TXNDC5: variants seen among roughly 807,000 people sequenced by gnomAD.
TXNDC5 encodes thioredoxin domain containing 5.
TXNDC5 carries 44 observed loss-of-function variants against 52.6 expected under a neutral mutation model. That is an observed-to-expected ratio of 0.84 (90% CI 0.66 to 1.08). The LOEUF (loss-of-function observed/expected upper bound fraction) is 1.08, where lower values mean the gene tolerates loss of function less well. TXNDC5 is among the 50% of genes least tolerant of loss of function. The probability of loss-of-function intolerance (pLI) is 0.00; values close to 1 mark genes in which losing one functional copy is unlikely to be tolerated. For synonymous variants in TXNDC5, 241 were observed against 234.4 expected, an observed-to-expected ratio of 1.03 and a Z score of -0.26; for missense variants, 600 against 565.5, an observed-to-expected ratio of 1.06 and a Z score of -0.62.
intron 3 of TXNDC5, among the ~76,000 whole-genome samples, chr6:7,896,004 A>G (rs1395905795): frequency 1.3e-5 from 2 of 152,076 alleles, no homozygotes; most frequent in African/African-American, 2.4e-5. Flanking sequence ...AAAAACACAC[A>G]AACAGACACG....
intron 2 of TXNDC5, among the ~76,000 whole-genome samples, chr6:7,903,684 T>C (rs1760642465): frequency 2.0e-5 from 3 of 152,350 alleles, no homozygotes; most frequent in Middle Eastern, 3.4e-3. Flanking sequence ...AATTAAGCAA[T>C]AAATTGTATA....
At chr6:7,884,224 A>T in intron 9 of TXNDC5, 135 bp downstream of exon 9, 1 of 1,235,296 alleles carries the variant, frequency 8.1e-7, no homozygotes, top group South Asian at 1.5e-5. Context: ...TTCTCCAAAC[A>T]AACAACTCAA....
At chr6:7,898,642 A>G (rs369086) in intron 3 of TXNDC5, among the ~76,000 whole-genome samples, 79,808 of 151,882 alleles carry the variant, frequency 0.53, 23,586 homozygotes, top group African/African-American at 0.78. Flanking sequence ...TAGGAACACG[A>G]GTGTTTTTCC....
chr6:7,907,515 C>A (rs988144689), intron 1 of TXNDC5, among the ~76,000 whole-genome samples: 1 of 152,210 alleles, frequency 6.6e-6, no homozygotes, highest in African/African-American at 2.4e-5. Context: ...AGCAGGATAA[C>A]CCTGCAGAAG....
Position 7,888,710 on chromosome 6 carries a change from C to T in TXNDC5, c.958G>A (p.Asp320Asn), listed in dbSNP as rs142322001. 6.2e-6 allele frequency: 10 copies of T among 1,609,922 alleles called. No individual in the cohort carries two copies. Among genetic ancestry groups the T allele is most frequent in the African/African-American group, 1.3e-5 (1 of 74,888 alleles). ...APVLAAEPEA[D>N]KGTVLALTEN... The stretch of plus-strand genomic sequence containing the variant: ...CGACTCCAGCAGGCACCCACCTTGT[C>T]AGCCTCGGGCTCAGCTGCCAGCACC... The change falls in exon 7 of 10, where the codon GAC becomes AAC. Residue 320 changes from aspartate to asparagine, a missense_variant. Asp to Asn is a conservative substitution (Grantham distance 23). Transcript: ENST00000379757.
At chr6:7,884,634 G>C in intron 8 of TXNDC5, 146 bp from the exon 9 acceptor site, 1 of 1,130,438 alleles carries the variant, frequency 8.8e-7, no homozygotes, top group East Asian at 2.7e-5. Context: ...TCTCCCACTG[G>C]GTGCACATTA....
At chr6:7,889,278 G>C in intron 6 of TXNDC5, 2 of 535,082 alleles carry the variant, frequency 3.7e-6, no homozygotes, top group Non-Finnish European at 6.7e-6. Flanking sequence ...GGTTATTCTA[G>C]TGATAACCTG....
chr6:7,896,867 CT>C (rs781709892), intron 3 of TXNDC5, among the ~76,000 whole-genome samples: 57 of 152,210 alleles, frequency 3.7e-4, no homozygotes, highest in Admixed American at 5.9e-4. Context: ...CAGGTCACGT[CT>C]TGCCCTACAG....
At chr6:7,888,593 C>T in intron 7 of TXNDC5, 112 bp downstream of exon 7, 1 of 1,368,586 alleles carries the variant, frequency 7.3e-7, no homozygotes, top group Non-Finnish European at 9.8e-7. Flanking sequence ...ATGACTGTGT[C>T]CCCAAACTGT....
At chr6:7,903,603 C>T (rs1373516346) in intron 2 of TXNDC5, among the ~76,000 whole-genome samples, 1 of 152,214 alleles carries the variant, frequency 6.6e-6, no homozygotes, top group Non-Finnish European at 1.5e-5. Flanking sequence ...GAGATCCCTC[C>T]ACTTTTCTGC....
At position 7,882,917 on chromosome 6, in the gene TXNDC5, T is replaced by G. The variant is rs1203312469; in HGVS notation, c.*227A>C. 6.5e-5 allele frequency: 33 copies of G among 510,280 alleles called. No individual in the cohort carries two copies. The Admixed American group carries it at 1.1e-3, about 17-fold the overall frequency. The allele number at this position is 510,280 out of a possible 1,614,324, so 31.6% of individuals were successfully genotyped here. A position where few individuals can be genotyped will look rare whatever the true frequency, so the allele number is the denominator to read the frequency against. On this transcript the variant is annotated 3_prime_UTR_variant, in exon 10 of 10. Transcript: ENST00000379757. ...AGGGGATATATCGCCACTGAAAATG[T>G]TTACACAGTGACCATGAGTTACACA...
At position 7,884,490 on chromosome 6, in the gene TXNDC5, T is replaced by C. The variant is rs747479963; in HGVS notation, c.1047-2A>G. 1.1e-5 allele frequency: 18 copies of C among 1,613,930 alleles called. No individual in the cohort carries two copies. The highest frequency in any genetic ancestry group is 1.5e-5 in the Non-Finnish European group (18 of 1,179,936). Reference sequence around the variant, plus strand: ...GCCAGAGTCTTACAATGACCACACCTAAGACGAGAAAAATGGCAGCTTCGT... The same window carrying C: ...GCCAGAGTCTTACAATGACCACACCCAAGACGAGAAAAATGGCAGCTTCGT... On this transcript the variant is annotated splice_acceptor_variant, in intron 8 of 9. Coordinates refer to ENST00000379757, the MANE Select transcript of TXNDC5 (RefSeq NM_030810.5). LOFTEE classifies it high-confidence loss of function.
At chr6:7,902,512 C>T (rs1202647593) in intron 2 of TXNDC5, among the ~76,000 whole-genome samples, 1 of 152,170 alleles carries the variant, frequency 6.6e-6, no homozygotes, top group Non-Finnish European at 1.5e-5. Context: ...CAGGCAGGTA[C>T]AGTCGTCACC....
intron 1 of TXNDC5, among the ~76,000 whole-genome samples, chr6:7,907,178 G>C (rs1339840944): frequency 8.7e-6 from 1 of 115,022 alleles, no homozygotes; most frequent in African/African-American, 3.9e-5. Context: ...TTTTTTTTTT[G>C]AGAAAACACA....
At chr6:7,889,152 G>C (rs764200242) in intron 6 of TXNDC5, 4 of 449,490 alleles carry the variant, frequency 8.9e-6, no homozygotes, top group African/African-American at 2.0e-5. Context: ...CATCGGCCAG[G>C]GAAGGAGGGA....
At chr6:7,888,618 C>T (rs1366023609) in intron 7 of TXNDC5, 87 bp downstream of exon 7, 2 of 1,484,232 alleles carry the variant, frequency 1.3e-6, no homozygotes, top group Non-Finnish European at 9.0e-7. Flanking sequence ...TTGTCCAAAG[C>T]ATTTGAGGAG....
intron 2 of TXNDC5, among the ~76,000 whole-genome samples, chr6:7,901,692 C>T (rs1015370740): frequency 9.2e-5 from 14 of 152,148 alleles, no homozygotes; most frequent in African/African-American, 3.4e-4. Flanking sequence ...CCACAGGGTA[C>T]AAGCCCAAAC....
At chr6:7,885,866 C>A in intron 8 of TXNDC5, 95 bp downstream of exon 8, 4 of 1,099,906 alleles carry the variant, frequency 3.6e-6, no homozygotes, top group Non-Finnish European at 5.3e-6. Context: ...AACATGTGCC[C>A]AACATTGAGT....
At chr6:7,890,113 T>TA (rs1760139412) in intron 5 of TXNDC5, among the ~76,000 whole-genome samples, 1 of 152,214 alleles carries the variant, frequency 6.6e-6, no homozygotes, top group Non-Finnish European at 1.5e-5. Context: ...AATCCGTCCT[T>TA]AATTTTATAA....
Sources: gnomAD v4.1 joint callset for allele counts (sites outside exome capture counted in the v4.1 genomes callset) on GRCh38, gnomAD v4.1.1 for gene constraint, MANE v1.5 for transcripts, NCBI Gene and HGNC (gene_info 2026-07-23, HGNC 2026-07-21) for gene names.